CLCNKB: variants seen among roughly 807,000 people sequenced by gnomAD.
CLCNKB encodes chloride voltage-gated channel Kb, also known as chloride channel protein ClC-Kb.
CLCNKB carries 74 observed loss-of-function variants against 83.8 expected under a neutral mutation model. The ratio of observed to expected loss-of-function variants is 0.88; its 90% CI spans 0.73 to 1.07. The LOEUF is 1.07. Ranked by LOEUF, CLCNKB falls within the 50% of genes least tolerant of loss-of-function variation. The probability of loss-of-function intolerance (pLI) is 0.00; values close to 1 mark genes in which losing one functional copy is unlikely to be tolerated. For synonymous variants in CLCNKB, 358 were observed against 356.6 expected (o/e 1.00, Z -0.04); for missense variants, 798 against 893.6 (o/e 0.89, Z 1.36).
chr1:16,050,656 T>A lies in CLCNKB; in HGVS notation c.1053+56T>A, dbSNP rs375061718. The A allele has an allele frequency of 2.2e-3, 3,433 of 1,566,878 alleles. 18 individuals carry two copies. Among genetic ancestry groups the A allele is most frequent in the Middle Eastern group, 8.0e-3 (48 of 5,970 alleles). On this transcript the variant is annotated intron_variant, in intron 11 of 19. Coordinates refer to ENST00000375679, the MANE Select transcript of CLCNKB (RefSeq NM_000085.5). ...GGGGAAGCCCTATTTGTTGCCTCCTTTGCGTGTATCTCACTTAATCCCCCC... is the reference window on the plus strand; with the variant it reads ...GGGGAAGCCCTATTTGTTGCCTCCTATGCGTGTATCTCACTTAATCCCCCC...
chr1:16,048,029 C>G lies in CLCNKB; in HGVS notation c.483C>G (p.Leu161=), dbSNP rs1335350879. 6.2e-7 allele frequency: 1 copy of G among 1,613,932 alleles called. No individual in the cohort carries two copies. Among genetic ancestry groups the G allele is most frequent in the South Asian group, 1.1e-5 (1 of 91,060 alleles). ...GCACCCTGGCCTGTGGCAGCACCCT[C>G]TTCCTCGGGAAAGTGGTATGGGCAG... is the stretch of plus-strand genomic sequence containing the variant. ...LSCTLACGST[L]FLGKVGPFVH... The change falls in exon 5 of 20, where the codon CTC becomes CTG. Residue 161 remains leucine, a synonymous_variant. Transcript: ENST00000375679.
chr1:16,050,790 T>G (rs1195065327), intron 11 of CLCNKB, 85 bp from the exon 12 acceptor site: 9 of 1,595,206 alleles, frequency 5.6e-6, no homozygotes, highest in Non-Finnish European at 7.7e-6. Flanking sequence ...AGAGGAGGAT[T>G]CCAGGCGGGG....
At chr1:16,055,809 A>G in intron 18 of CLCNKB, 51 bp downstream of exon 18, 4 of 1,545,736 alleles carry the variant, frequency 2.6e-6, no homozygotes, top group Non-Finnish European at 3.6e-6. Flanking sequence ...GGGTGGGGGA[A>G]GAGCTGATGA....
intron 19 of CLCNKB, 82 bp downstream of exon 19, chr1:16,056,590 A>G (rs1347062844): frequency 6.1e-6 from 7 of 1,139,338 alleles, no homozygotes; most frequent in Non-Finnish European, 7.9e-6. Context: ...GGTGGGGGGG[A>G]CACCAGCATG....
Position 16,055,512 on chromosome 1 carries a change from C to T in CLCNKB, c.1834C>T (p.Pro612Ser), listed in dbSNP as rs771871033. ...GAAGGCTGAGCCTCCTTCCTGGGCT[C>T]CTGGACACCAGGTGGGTACTCCTGA... ...ALKAEPPSWA[P>S]GHQQCLQDIL... The change falls in exon 17 of 20, where the codon CCT becomes TCT. Residue 612 changes from proline to serine, a missense_variant. Physicochemically the swap from Pro to Ser is moderately conservative, Grantham distance 74. Transcript: ENST00000375679. The T allele has an allele frequency of 4.3e-6, 7 of 1,611,818 alleles. No homozygotes were observed. The East Asian group carries it at 1.6e-4, about 36-fold the overall frequency.
In CLCNKB at chr1:16,049,148, T is replaced by A; in HGVS notation, c.684T>A (p.Ser228=). 1 of 1,613,514 alleles carries A rather than the reference T, an allele frequency of 6.2e-7. No individual in the cohort carries two copies. ...TCCTGTTCAGCATCGAGGTCATGTC[T>A]TCCCACTTCTCTGTCTGGGATTACT... The part of the protein sequence containing the change: ...SGVLFSIEVM[S]SHFSVWDYWR... The change falls in exon 8 of 20, where the codon TCT becomes TCA. Residue 228 remains serine, a synonymous_variant. Transcript: ENST00000375679.
chr1:16,044,122 G>C (rs2124079810), intron 1 of CLCNKB, among the ~76,000 whole-genome samples: 1 of 152,204 alleles, frequency 6.6e-6, no homozygotes, highest in Middle Eastern at 3.4e-3. Flanking sequence ...GGCAGAGACT[G>C]CTCCCAGCAG....
chr1:16,052,451 A>G, intron 15 of CLCNKB, 40 bp downstream of exon 15: 4 of 1,594,428 alleles, frequency 2.5e-6, no homozygotes, highest in Non-Finnish European at 3.4e-6. Flanking sequence ...AGGGGGTCAC[A>G]GTGTTTGGGA....
chr1:16,051,567 G>T lies in CLCNKB; in HGVS notation c.1297+20G>T, dbSNP rs770967038. ...TCTATGGTGAGTCTGGGGTCCTGAG[G>T]TTCTGAGAGTTTCGGGGTTCTTGGG... On this transcript the variant is annotated intron_variant, in intron 13 of 19. Coordinates refer to ENST00000375679, the MANE Select transcript of CLCNKB (RefSeq NM_000085.5). 6.2e-7 allele frequency: 1 copy of T among 1,613,812 alleles called. No individual in the cohort carries two copies. The highest frequency in any genetic ancestry group is 8.5e-7 in the Non-Finnish European group (1 of 1,179,770).
intron 1 of CLCNKB, 137 bp from the exon 2 acceptor site, chr1:16,044,349 C>T: frequency 1.2e-5 from 2 of 168,050 alleles, no homozygotes; most frequent in Admixed American, 1.1e-4. Flanking sequence ...AGTGTGATAA[C>T]TTCACATACA....
intron 19 of CLCNKB, 63 bp from the exon 20 acceptor site, chr1:16,056,806 T>TGGGGGGGGGGGG (rs2124116454): frequency 9.5e-7 from 1 of 1,054,884 alleles, no homozygotes; most frequent in Non-Finnish European, 1.5e-6. Flanking sequence ...CCAAAAATGC[T>TGGGGGGGGGGGG]GGAGCCCCCC....
Position 16,049,257 on chromosome 1 carries a change from G to A in CLCNKB, c.781+12G>A, listed in dbSNP as rs753065298. ...CAACAGCGAGCAGGGTGAGCCCCCT[G>A]GGCTGCCTGACCCTGGCCCTGCCTG... On this transcript the variant is annotated intron_variant, in intron 8 of 19. Coordinates refer to ENST00000375679, the MANE Select transcript of CLCNKB (RefSeq NM_000085.5). 1.9e-6 allele frequency: 3 copies of A among 1,613,292 alleles called. No individual in the cohort carries two copies. The highest frequency in any genetic ancestry group is 2.5e-6 in the Non-Finnish European group (3 of 1,179,810).
chr1:16,049,019 G>A, intron 7 of CLCNKB, 101 bp from the exon 8 acceptor site: 1 of 1,609,232 alleles, frequency 6.2e-7, no homozygotes, highest in Admixed American at 1.7e-5. Context: ...CTGCAGGAGA[G>A]CAGGACAGAT....
intron 1 of CLCNKB, 52 bp downstream of exon 1, chr1:16,043,932 C>CGGG (rs140434107): frequency 1.0e-5 from 1 of 100,228 alleles, no homozygotes; most frequent in Non-Finnish European, 1.9e-5. Context: ...ACAGGCAGGG[C>CGGG]GGGGGGGGGG....
At chr1:16,048,726 C>T in intron 7 of CLCNKB, 144 bp downstream of exon 7, 1 of 1,476,330 alleles carries the variant, frequency 6.8e-7, no homozygotes, top group Non-Finnish European at 9.0e-7. Context: ...GCACAGCCAC[C>T]GCCCCCCACC....
intron 3 of CLCNKB, 113 bp downstream of exon 3, chr1:16,045,799 G>A: frequency 1.8e-6 from 2 of 1,113,070 alleles, no homozygotes; most frequent in Admixed American, 4.0e-5. Flanking sequence ...GCTCTGGGTG[G>A]GGATCTGGTC....
Position 16,053,694 on chromosome 1 carries a change from A to G in CLCNKB, c.1678A>G (p.Lys560Glu). 1 of 1,613,960 alleles carries G rather than the reference A, an allele frequency of 6.2e-7. No individual in the cohort carries two copies. The highest frequency in any genetic ancestry group is 8.5e-7 in the Non-Finnish European group (1 of 1,180,012). Residue 560 changes from lysine (K) to glutamate (E), a missense_variant, in exon 16 of 20, where the codon AAG becomes GAG. Lys to Glu is a moderately conservative substitution (Grantham distance 56, BLOSUM62 1). Coordinates refer to ENST00000375679, the MANE Select transcript of CLCNKB (RefSeq NM_000085.5). ...GAACCACAGCATCACCACACTGGCC[A>G]AGGACATGCCACTGGAGGAGGTGGT... ...FMNHSITTLAKDMPLEEVVKV... is the reference protein window; with the variant it reads ...FMNHSITTLAEDMPLEEVVKV...
chr1:16,055,861 C>A, intron 18 of CLCNKB, 103 bp downstream of exon 18: 1 of 1,056,202 alleles, frequency 9.5e-7, no homozygotes, highest in Non-Finnish European at 1.4e-6. Context: ...CCGCCCTGCC[C>A]GTCTTATGCT....
rs1429750988 is a variant in CLCNKB at position 16,046,625 on chromosome 1, C to T, written c.320C>T (p.Ser107Phe). 1.9e-6 allele frequency: 3 copies of T among 1,614,050 alleles called. No individual in the cohort carries two copies. Among genetic ancestry groups the T allele is most frequent in the Non-Finnish European group, 1.7e-6 (2 of 1,180,030 alleles). Reference protein sequence around the residue: ...TVYPVALVSFSSGFSQSITPS... With the variant: ...TVYPVALVSFFSGFSQSITPS... ...TACCCTGTGGCCCTCGTCTCTTTCT[C>T]TTCAGGCTTCTCTCAGAGCATCACA... The change falls in exon 4 of 20, where the codon TCT (serine) becomes TTT (phenylalanine). Residue 107 changes from serine to phenylalanine, a missense_variant. By Grantham distance (155) the Ser-to-Phe change is radical. Coordinates refer to ENST00000375679, the MANE Select transcript of CLCNKB (RefSeq NM_000085.5).
Sources: allele counts gnomAD v4.1 joint callset (sites outside exome capture counted in the v4.1 genomes callset), GRCh38; gene constraint gnomAD v4.1.1; transcripts MANE v1.5; gene names NCBI Gene and HGNC (gene_info 2026-07-23, HGNC 2026-07-21).